The following MGAT4D variants were observed in gnomAD, a reference collection of about 807,000 sequenced individuals.
The protein encoded by MGAT4D is MGAT4 family member D, also known as alpha-1,3-mannosyl-glycoprotein 4-beta-N-acetylglucosaminyltransferase-like protein MGAT4D.
MGAT4D carries 34 observed loss-of-function variants against 15.9 expected under a neutral mutation model. The observed-to-expected ratio is 2.14, with a 90% CI of 1.62 to 2.84. The LOEUF is 2.84. Among genes scored for constraint, MGAT4D ranks in the 30% most tolerant of loss-of-function variants. The pLI, the probability that MGAT4D is intolerant of heterozygous loss-of-function variation, is 0.00. For missense variants in MGAT4D, 327 were observed against 140.2 expected, an observed-to-expected ratio of 2.33 and a Z score of -6.73; for synonymous variants, 112 against 48.2, an observed-to-expected ratio of 2.33 and a Z score of -5.49.
intron 1 of MGAT4D, among the ~76,000 whole-genome samples, chr4:140,483,731 G>T (rs1732900000): frequency 6.6e-6 from 1 of 152,052 alleles, no homozygotes; most frequent in South Asian, 2.1e-4. Flanking sequence ...CTTGATCTTT[G>T]ACAAAGTTTC....
At chr4:140,477,919 T>C (rs373176886) in intron 3 of MGAT4D, among the ~76,000 whole-genome samples, 7 of 152,336 alleles carry the variant, frequency 4.6e-5, no homozygotes, top group African/African-American at 1.7e-4. Flanking sequence ...AAAATAGTTA[T>C]AGAGGGGCTA....
chr4:140,483,084 A>C (rs961257019), intron 1 of MGAT4D, among the ~76,000 whole-genome samples: 1 of 152,128 alleles, frequency 6.6e-6, no homozygotes, highest in African/African-American at 2.4e-5. Context: ...TCTGGGGAAA[A>C]TTGCTTAATT....
chr4:140,448,885 T>C (rs973273371), intron 10 of MGAT4D, among the ~76,000 whole-genome samples: 3 of 152,196 alleles, frequency 2.0e-5, no homozygotes, highest in Non-Finnish European at 2.9e-5. Context: ...CCCTGCCCCT[T>C]CATCACCTCC....
intron 1 of MGAT4D, among the ~76,000 whole-genome samples, chr4:140,497,262 T>G (rs1160806596): frequency 6.6e-6 from 1 of 152,166 alleles, no homozygotes; most frequent in Admixed American, 6.5e-5. Flanking sequence ...GTTCATAATT[T>G]ACAGGGTTCC....
chr4:140,466,307 G>A (rs1266405433), intron 5 of MGAT4D, among the ~76,000 whole-genome samples: 1 of 152,128 alleles, frequency 6.6e-6, no homozygotes, highest in African/African-American at 2.4e-5. Context: ...AAGAAAAATG[G>A]TTGTGGTGAA....
intron 4 of MGAT4D, among the ~76,000 whole-genome samples, 194 bp downstream of exon 4, chr4:140,474,619 A>G (rs185061614): frequency 5.9e-5 from 9 of 152,366 alleles, no homozygotes; most frequent in Admixed American, 5.2e-4. Context: ...TTAGATTTAC[A>G]TATTTAATTC....
At chr4:140,444,322 A>T (rs1039013428) in intron 10 of MGAT4D, among the ~76,000 whole-genome samples, 27 of 152,146 alleles carry the variant, frequency 1.8e-4, no homozygotes, top group African/African-American at 5.8e-4. Flanking sequence ...CTACCCAGGT[A>T]CTAAGCATAG....
chr4:140,493,084 TGATTAAAAAG>T (rs1444361601), intron 1 of MGAT4D, among the ~76,000 whole-genome samples: 8 of 152,162 alleles, frequency 5.3e-5, no homozygotes, highest in Admixed American at 5.2e-4. Context: ...TTCTTTTAAC[TGATTAAAAAG>T]TTATATATGC....
At chr4:140,456,534 T>C (rs1560768867) in intron 9 of MGAT4D, 55 bp downstream of exon 9, 4 of 533,812 alleles carry the variant, frequency 7.5e-6, no homozygotes, top group Non-Finnish European at 1.3e-5. Context: ...GGTAATTACG[T>C]TGGATAGATA....
At chr4:140,451,999 A>ACC (rs1560764878) in intron 9 of MGAT4D, among the ~76,000 whole-genome samples, 3 of 145,706 alleles carry the variant, frequency 2.1e-5, no homozygotes, top group Admixed American at 6.8e-5. Flanking sequence ...TTTCTCAAAA[A>ACC]AAAAAAAAAA....
At chr4:140,458,934 T>C (rs1430923134) in intron 8 of MGAT4D, 2 of 151,792 alleles carry the variant, frequency 1.3e-5, no homozygotes, top group East Asian at 3.9e-4. Context: ...ATACTTGAGG[T>C]TCAAAGGAAA....
At chr4:140,477,700 C>A (rs1163492174) in intron 3 of MGAT4D, among the ~76,000 whole-genome samples, 2 of 152,128 alleles carry the variant, frequency 1.3e-5, no homozygotes, top group Non-Finnish European at 2.9e-5. Flanking sequence ...TCTGCATATA[C>A]CCTGCCAAGG....
chr4:140,443,731 G>C (rs1418223020), intron 10 of MGAT4D, among the ~76,000 whole-genome samples: 2 of 151,948 alleles, frequency 1.3e-5, no homozygotes, highest in South Asian at 2.1e-4. Context: ...TATCATTACA[G>C]CCAACAAAAC....
At chr4:140,456,433 T>C (rs1235179927) in intron 9 of MGAT4D, among the ~76,000 whole-genome samples, 156 bp downstream of exon 9, 1 of 152,034 alleles carries the variant, frequency 6.6e-6, no homozygotes, top group South Asian at 2.1e-4. Flanking sequence ...TCTCATTACT[T>C]CATTTAATAG....
At chr4:140,484,339 A>C (rs1465570381) in intron 1 of MGAT4D, among the ~76,000 whole-genome samples, 2 of 152,202 alleles carry the variant, frequency 1.3e-5, no homozygotes, top group African/African-American at 2.4e-5. Context: ...ACAAGGTACC[A>C]TCTCACACCT....
intron 3 of MGAT4D, 87 bp downstream of exon 3, chr4:140,479,402 TA>T: frequency 2.7e-6 from 1 of 377,018 alleles, no homozygotes; most frequent in Admixed American, 4.6e-5. Flanking sequence ...CAATCTAAGA[TA>T]ATAATGGATT....
In MGAT4D at chr4:140,498,202, G is replaced by A. The variant is rs1402130432; in HGVS notation, c.21C>T (p.Asn7=). 1 of 702,544 alleles carries A rather than the reference G, an allele frequency of 1.4e-6. No individual in the cohort carries two copies. Among genetic ancestry groups the A allele is most frequent in the South Asian group, 1.5e-5 (1 of 67,564 alleles). 43.5% of individuals were successfully genotyped at this position (702,544 alleles called of 1,614,324 possible). ...CGACGGCGACCAGGGTGATCAGCAA[G>A]TTCACCTGCTTGGTCCTCATGGCCC... MRTKQV[N]LLITLVAVAL... The change falls in exon 1 of 11, where the codon AAC becomes AAT. Residue 7 remains asparagine (N), a synonymous_variant. Coordinates refer to ENST00000511113, the MANE Select transcript of MGAT4D (RefSeq NM_001277353.2).
At chr4:140,470,284 C>A (rs1277136228) in intron 5 of MGAT4D, among the ~76,000 whole-genome samples, 1 of 152,232 alleles carries the variant, frequency 6.6e-6, no homozygotes, top group Non-Finnish European at 1.5e-5. Flanking sequence ...GTTCCCCCAA[C>A]CCTCTCACTT....
In MGAT4D at chr4:140,482,346, TTCTC is replaced by T; in HGVS notation, c.230_233del (p.Arg77LysfsTer7). ...ACAAACCTAAGTTTCCTGACAAAATTTCTCTCTTTGTAATTTCATACTTCATTCG... is the reference window on the plus strand; with the variant it reads ...ACAAACCTAAGTTTCCTGACAAAATTTCTTTGTAATTTCATACTTCATTCG... On this transcript the variant is annotated frameshift_variant, in exon 2 of 11. Transcript: ENST00000511113. LOFTEE classifies it high-confidence loss of function. 4.8e-6 allele frequency: 3 copies of T among 628,716 alleles called. No individual in the cohort carries two copies. The highest frequency in any genetic ancestry group is 3.6e-5 in the South Asian group (2 of 55,296). The allele number at this position is 628,716 out of a possible 1,614,324, so 38.9% of individuals were successfully genotyped here. A position where few individuals can be genotyped will look rare whatever the true frequency, so the allele number is the denominator to read the frequency against.
Sources: allele counts gnomAD v4.1 joint callset (sites outside exome capture counted in the v4.1 genomes callset), GRCh38; gene constraint gnomAD v4.1.1; transcripts MANE v1.5; gene names NCBI Gene and HGNC (gene_info 2026-07-23, HGNC 2026-07-21).